Variants in SDK1 observed in about 807,000 individuals in gnomAD.
The protein encoded by SDK1 is sidekick cell adhesion molecule 1, also known as protein sidekick-1.
In SDK1, 157 loss-of-function variants were observed where a neutral mutation model predicts 245.5. That is an observed-to-expected ratio of 0.64 (90% CI 0.56 to 0.73). The LOEUF (loss-of-function observed/expected upper bound fraction) is 0.73. Ranked by LOEUF, SDK1 falls within the 30% of genes least tolerant of loss-of-function variation. SDK1 has a pLI of 0.00. For synonymous variants in SDK1, 1,647 were observed against 1,278.5 expected (o/e 1.29, Z -6.15); for missense variants, 3,583 against 3,002.3 (o/e 1.19, Z -4.52).
intron 9 of SDK1, among the ~76,000 whole-genome samples, chr7:3,965,485 G>T (rs978946599): frequency 2.0e-5 from 3 of 152,130 alleles, no homozygotes; most frequent in South Asian, 2.1e-4. Flanking sequence ...GTAGTAGGAG[G>T]TTTTTTGCAA....
At chr7:3,603,614 C>G (rs1017124986) in intron 1 of SDK1, among the ~76,000 whole-genome samples, 8 of 152,130 alleles carry the variant, frequency 5.3e-5, no homozygotes, top group East Asian at 1.9e-4. Flanking sequence ...GATATACAAT[C>G]ATGTCGTCTG....
intron 35 of SDK1, among the ~76,000 whole-genome samples, chr7:4,194,934 G>A (rs1237978109): frequency 6.6e-6 from 1 of 152,144 alleles, no homozygotes; most frequent in African/African-American, 2.4e-5. Flanking sequence ...ATTGCTTAGT[G>A]TAATCGGTTA....
chr7:3,542,918 T>C (rs1231123826), intron 1 of SDK1, among the ~76,000 whole-genome samples: 1 of 152,176 alleles, frequency 6.6e-6, no homozygotes, highest in Non-Finnish European at 1.5e-5. Flanking sequence ...CTAGGAAAAA[T>C]AGCAGACCAG....
chr7:4,134,543 C>T (rs759925209), intron 28 of SDK1, among the ~76,000 whole-genome samples: 1 of 152,206 alleles, frequency 6.6e-6, no homozygotes, highest in Non-Finnish European at 1.5e-5. Flanking sequence ...ATCTGATTAC[C>T]CGGGAGCTGT....
intron 4 of SDK1, among the ~76,000 whole-genome samples, chr7:3,653,745 T>G (rs1185108228): frequency 6.6e-6 from 1 of 152,116 alleles, no homozygotes; most frequent in African/African-American, 2.4e-5. Flanking sequence ...GAGGGTTTGC[T>G]CTAGCTAGAC....
chr7:4,147,241 T>C (rs900386469), intron 29 of SDK1, among the ~76,000 whole-genome samples: 1 of 152,070 alleles, frequency 6.6e-6, no homozygotes, highest in Non-Finnish European at 1.5e-5. Flanking sequence ...AGTGCAGTTA[T>C]GTGATCATAG....
intron 20 of SDK1, among the ~76,000 whole-genome samples, chr7:4,068,647 G>A (rs1204578004): frequency 6.6e-6 from 1 of 152,078 alleles, no homozygotes; most frequent in African/African-American, 2.4e-5. Flanking sequence ...TGGGCAGTGA[G>A]ATCTCCTCTC....
At chr7:4,240,236 T>C (rs1245385811) in intron 42 of SDK1, among the ~76,000 whole-genome samples, 4 of 152,154 alleles carry the variant, frequency 2.6e-5, no homozygotes, top group African/African-American at 9.7e-5. Context: ...AGATCGGACC[T>C]GCAGCTTCCG....
intron 1 of SDK1, among the ~76,000 whole-genome samples, chr7:3,406,110 G>C (rs183482614): frequency 8.6e-5 from 13 of 152,020 alleles, no homozygotes; most frequent in African/African-American, 1.9e-4. Context: ...ACCGCTCCTC[G>C]TCTGTTGTGC....
intron 4 of SDK1, among the ~76,000 whole-genome samples, chr7:3,706,154 G>A (rs1429859928): frequency 4.6e-5 from 7 of 152,234 alleles, no homozygotes; most frequent in African/African-American, 1.2e-4. Context: ...TGTGCTGTTG[G>A]ATTCAATTAG....
intron 4 of SDK1, among the ~76,000 whole-genome samples, chr7:3,788,121 C>G (rs530678413): frequency 1.3e-5 from 2 of 152,250 alleles, no homozygotes; most frequent in South Asian, 2.1e-4. Context: ...CCTTCTGCTT[C>G]GATTGAAGCA....
intron 5 of SDK1, among the ~76,000 whole-genome samples, chr7:3,843,327 G>C (rs1491003771): frequency 6.6e-6 from 1 of 152,180 alleles, no homozygotes; most frequent in East Asian, 1.9e-4. Flanking sequence ...AAGCCAAGTT[G>C]AATCTCCTGG....
chr7:4,069,279 C>T lies in SDK1; in HGVS notation c.3010+1343C>T, dbSNP rs185035739. ...TGGCTGCCCACTGCCTGGCCCAGAA[C>T]AACTCAGCCTCCAACAGACATCTGT... is the stretch of plus-strand genomic sequence containing the variant. On this transcript the variant is annotated intron_variant, in intron 20 of 44. Coordinates refer to ENST00000404826, the MANE Select transcript of SDK1 (RefSeq NM_152744.4). 6.2e-3 allele frequency among the ~76,000 whole-genome samples: 936 copies of T among 152,166 alleles called. 34 individuals carry two copies. The highest frequency in any genetic ancestry group is 1.6e-3 in the Non-Finnish European group (110 of 68,022).
chr7:3,587,139 C>A (rs191125044), intron 1 of SDK1, among the ~76,000 whole-genome samples: 17 of 152,120 alleles, frequency 1.1e-4, no homozygotes, highest in African/African-American at 3.9e-4. Context: ...TAAGTCCTAA[C>A]AGAACTCTGC....
intron 32 of SDK1, among the ~76,000 whole-genome samples, chr7:4,171,492 C>CA (rs1056855518): frequency 1.6e-4 from 25 of 152,046 alleles, no homozygotes; most frequent in African/African-American, 4.6e-4. Context: ...TTAAAAAAAG[C>CA]AAAAAAATCA....
At position 3,672,794 on chromosome 7, in the gene SDK1, T is replaced by TATAA. The variant is rs1468918926; in HGVS notation, c.713+30690_713+30691insTAAA. Among the ~76,000 whole-genome samples, 302 of 65,558 alleles carry TATAA rather than the reference T, an allele frequency of 4.6e-3. 7 individuals are homozygous for TATAA. The highest frequency in any genetic ancestry group is 0.019 in the Admixed American group (86 of 4,646). 43.0% of individuals were successfully genotyped at this position (65,558 alleles called of 152,430 possible). ...ATATATATATATATATATATATATA[T>TATAA]AAAAAATACAGAAAGCTCTAAGTAT... On this transcript the variant is annotated intron_variant, in intron 4 of 44. Coordinates refer to ENST00000404826, the MANE Select transcript of SDK1 (RefSeq NM_152744.4).
At chr7:3,502,102 C>A (rs1163340513) in intron 1 of SDK1, among the ~76,000 whole-genome samples, 1 of 151,914 alleles carries the variant, frequency 6.6e-6, no homozygotes, top group Non-Finnish European at 1.5e-5. Flanking sequence ...TTTAGTCAGT[C>A]ACTATATTAG....
chr7:4,244,100 G>A (rs1382608830), intron 43 of SDK1, among the ~76,000 whole-genome samples: 2 of 152,138 alleles, frequency 1.3e-5, no homozygotes, highest in African/African-American at 4.8e-5. Flanking sequence ...CACACCCTGG[G>A]GGAGACAACA....
intron 1 of SDK1, among the ~76,000 whole-genome samples, chr7:3,532,908 T>A (rs990029499): frequency 6.6e-6 from 1 of 152,156 alleles, no homozygotes; most frequent in African/African-American, 2.4e-5. Flanking sequence ...GCCTCTGGAC[T>A]CATTGTCAAA....
Sources: gnomAD v4.1 joint callset for allele counts (sites outside exome capture counted in the v4.1 genomes callset) on GRCh38, gnomAD v4.1.1 for gene constraint, MANE v1.5 for transcripts, NCBI Gene and HGNC (gene_info 2026-07-23, HGNC 2026-07-21) for gene names.